Variants in PCDH15 observed in about 807,000 individuals in gnomAD.
PCDH15 encodes protocadherin-15.
In PCDH15, 129 loss-of-function variants were observed where a neutral mutation model predicts 178.5. The observed-to-expected ratio is 0.72, with a 90% CI of 0.63 to 0.84. PCDH15 has a LOEUF of 0.84. Among genes scored for constraint, PCDH15 ranks in the 40% least tolerant of loss-of-function variants. The pLI is 0.00. For missense variants in PCDH15, 2,230 were observed against 2,099.9 expected (o/e 1.06, Z -1.21); for synonymous variants, 800 against 732.0 (o/e 1.09, Z -1.50).
rs186668672 is a variant in PCDH15 at position 54,187,689 on chromosome 10, A to C, written c.1306-2421T>G. Among the ~76,000 whole-genome samples, 858 of 152,054 alleles carry C rather than the reference A, an allele frequency of 5.6e-3. 8 individuals are homozygous for C. The highest frequency in any genetic ancestry group is 0.017 in the African/African-American group (696 of 41,566). On this transcript the variant is annotated intron_variant, in intron 11 of 37. Coordinates refer to ENST00000644397, the MANE Select transcript of PCDH15 (RefSeq NM_001384140.1). ...TTTTGTGAAGAAGATAATCTATCAC[A>C]GAAAGCTAGCACTATACATGGCATA...
chr10:55,594,018 G>A (rs12254897), intron 2 of PCDH15, among the ~76,000 whole-genome samples: 48,710 of 151,724 alleles, frequency 0.32, 8,392 homozygotes, highest in East Asian at 0.49. Flanking sequence ...GAGTGCTTGT[G>A]TCCTAAACTG....
intron 26 of PCDH15, among the ~76,000 whole-genome samples, chr10:53,875,733 C>T (rs1222159253): frequency 6.6e-6 from 1 of 152,064 alleles, no homozygotes; most frequent in African/African-American, 2.4e-5. Flanking sequence ...ACCACTTACC[C>T]ATTTCTAAGA....
intron 2 of PCDH15, among the ~76,000 whole-genome samples, chr10:55,087,680 G>A (rs1005020238): frequency 1.6e-4 from 24 of 152,204 alleles, no homozygotes; most frequent in Middle Eastern, 3.4e-3. Context: ...AGGTGGTAAT[G>A]GTTCTCAAAG....
At chr10:55,085,232 A>C (rs1176164433) in intron 2 of PCDH15, among the ~76,000 whole-genome samples, 4 of 151,908 alleles carry the variant, frequency 2.6e-5, no homozygotes, top group Admixed American at 6.6e-5. Flanking sequence ...ACTGAAGGTC[A>C]TTGTGTTAAG....
At chr10:54,013,463 C>T (rs1243348582) in intron 20 of PCDH15, among the ~76,000 whole-genome samples, 2 of 152,158 alleles carry the variant, frequency 1.3e-5, no homozygotes, top group Non-Finnish European at 2.9e-5. Context: ...ACATACTTCT[C>T]ATCACCACAT....
chr10:54,251,758 C>T (rs1000574655), intron 8 of PCDH15, among the ~76,000 whole-genome samples: 2 of 152,070 alleles, frequency 1.3e-5, no homozygotes, highest in East Asian at 1.9e-4. Context: ...TGTTTAGAGT[C>T]GCAGCTTTGC....
At chr10:54,953,740 G>T (rs983712298) in intron 2 of PCDH15, among the ~76,000 whole-genome samples, 7 of 151,122 alleles carry the variant, frequency 4.6e-5, no homozygotes, top group Non-Finnish European at 7.4e-5. Context: ...TCATCGGTAT[G>T]TCCTAGAATT....
At chr10:54,790,356 C>A (rs1368834186) in intron 1 of PCDH15, among the ~76,000 whole-genome samples, 2 of 150,912 alleles carry the variant, frequency 1.3e-5, no homozygotes, top group Admixed American at 6.6e-5. Flanking sequence ...ATATATATAC[C>A]TATATATGTA....
At chr10:54,512,684 C>T (rs1418409989) in intron 3 of PCDH15, among the ~76,000 whole-genome samples, 1 of 151,968 alleles carries the variant, frequency 6.6e-6, no homozygotes, top group African/African-American at 2.4e-5. Flanking sequence ...AAAATATTTA[C>T]TCATGCAGAA....
chr10:54,105,951 A>G (rs532930574), intron 15 of PCDH15, among the ~76,000 whole-genome samples: 250 of 152,338 alleles, frequency 1.6e-3, no homozygotes, highest in African/African-American at 5.8e-3. Flanking sequence ...CATTATTGAG[A>G]AATAAAAAAT....
chr10:55,126,241 C>T (rs185568388), intron 2 of PCDH15, among the ~76,000 whole-genome samples: 2 of 152,184 alleles, frequency 1.3e-5, no homozygotes, highest in East Asian at 1.9e-4. Context: ...TTCCTAAGCA[C>T]ATCTTTCTCA....
intron 28 of PCDH15, among the ~76,000 whole-genome samples, chr10:53,847,608 T>C (rs969186136): frequency 6.6e-6 from 1 of 152,096 alleles, no homozygotes; most frequent in Non-Finnish European, 1.5e-5. Context: ...AAGAGTTCTT[T>C]TGTCCCAGAA....
At chr10:54,336,310 G>C (rs944399074) in intron 6 of PCDH15, among the ~76,000 whole-genome samples, 3 of 152,168 alleles carry the variant, frequency 2.0e-5, no homozygotes, top group African/African-American at 7.2e-5. Context: ...TAAGTAATGA[G>C]GAACCAAATG....
At chr10:54,201,968 G>A (rs543712218) in intron 10 of PCDH15, among the ~76,000 whole-genome samples, 18 of 152,238 alleles carry the variant, frequency 1.2e-4, no homozygotes, top group South Asian at 4.1e-4. Context: ...ATATCTATAG[G>A]GATGGTGCTG....
intron 3 of PCDH15, among the ~76,000 whole-genome samples, chr10:54,837,714 A>G (rs1953342120): frequency 1.3e-5 from 2 of 152,134 alleles, no homozygotes; most frequent in South Asian, 4.1e-4. Context: ...ACGCCACTAC[A>G]GCAATAATTC....
At chr10:54,047,423 T>C (rs1271782335) in intron 18 of PCDH15, among the ~76,000 whole-genome samples, 1 of 151,894 alleles carries the variant, frequency 6.6e-6, no homozygotes, top group Non-Finnish European at 1.5e-5. Context: ...TTATTTAGAT[T>C]CATGCATGGA....
chr10:54,825,429 G>A (rs2133745215), intron 3 of PCDH15, among the ~76,000 whole-genome samples: 1 of 147,952 alleles, frequency 6.8e-6, no homozygotes, highest in East Asian at 2.0e-4. Flanking sequence ...TCTAGTTCTA[G>A]ATCCCTGAGG....
chr10:54,410,439 G>A (rs1465636785), intron 3 of PCDH15, among the ~76,000 whole-genome samples: 2 of 152,090 alleles, frequency 1.3e-5, no homozygotes, highest in Admixed American at 6.6e-5. Context: ...GAAAGCTCTG[G>A]AAGCTGGGGT....
At chr10:55,156,454 T>C (rs1036562246) in intron 2 of PCDH15, among the ~76,000 whole-genome samples, 5 of 152,082 alleles carry the variant, frequency 3.3e-5, no homozygotes, top group African/African-American at 1.2e-4. Flanking sequence ...TTTTGACCAA[T>C]TGGCACCTCC....
Sources: allele counts gnomAD v4.1 joint callset (sites outside exome capture counted in the v4.1 genomes callset), GRCh38; gene constraint gnomAD v4.1.1; transcripts MANE v1.5; gene names NCBI Gene and HGNC (gene_info 2026-07-23, HGNC 2026-07-21).